The following FRMD4A variants were observed in gnomAD, a reference collection of about 807,000 sequenced individuals.
FRMD4A encodes the protein FERM domain-containing protein 4A.
Under a neutral mutation model 129.1 loss-of-function variants are expected in FRMD4A, and 29 were observed. The observed-to-expected ratio is 0.22, with a 90% confidence interval of 0.17 to 0.31. The LOEUF is 0.31. Ranked by LOEUF, FRMD4A falls within the 10% of genes least tolerant of loss-of-function variation. FRMD4A has a pLI of 1.00. For missense variants in FRMD4A, 1,272 were observed against 1,375.8 expected, an observed-to-expected ratio of 0.92 and a Z score of 1.19; for synonymous variants, 634 against 571.6, an observed-to-expected ratio of 1.11 and a Z score of -1.56.
Position 14,225,125 on chromosome 10 carries a change from T to G in FRMD4A, c.45+104933A>C, listed in dbSNP as rs545319516. On this transcript the variant is annotated intron_variant, in intron 2 of 24. Coordinates refer to ENST00000357447, the MANE Select transcript of FRMD4A (RefSeq NM_018027.5). ...AGTGAAAGAATAAATATACACCAGG[T>G]GGCGGTAAGTTAATAATATTTTACA... 2.6e-5 allele frequency among the ~76,000 whole-genome samples: 4 copies of G among 152,316 alleles called. No homozygotes were observed. In the East Asian group the frequency reaches 7.7e-4, roughly 29 times the overall value.
rs116500624 is a variant in FRMD4A, at chr10:13,651,960, T to A, written c.3065A>T (p.Asn1022Ile). ...LTWQTGEATE[N>I]SPILDGSESP... ...CTCAGACCCATCCAGAATGGGTGAGTTTTCTGTTGCTTCTCTGAACAAAGG... is the reference window on the plus strand; with the variant it reads ...CTCAGACCCATCCAGAATGGGTGAGATTTCTGTTGCTTCTCTGAACAAAGG... The change falls in exon 24 of 25, where the codon AAC becomes ATC. Residue 1022 changes from asparagine (N) to isoleucine (I), a missense_variant. This residue lies in a region of FRMD4A where 972 missense variants were observed against 892.3 expected (regional missense o/e 1.09). Coordinates refer to ENST00000357447, the MANE Select transcript of FRMD4A (RefSeq NM_018027.5). 1,459 of 1,586,948 alleles carry A rather than the reference T, an allele frequency of 9.2e-4. 11 individuals carry two copies. In the African/African-American group the frequency reaches 0.017, roughly 19 times the overall value.
chr10:14,129,409 A>ATATATATATATATATATATAT (rs58579085), intron 2 of FRMD4A, among the ~76,000 whole-genome samples: 1 of 93,498 alleles, frequency 1.1e-5, no homozygotes, highest in Non-Finnish European at 2.0e-5. Context: ...TATATATATA[A>ATATATATATATATATATATAT]AAAATATGAG....
intron 8 of FRMD4A, among the ~76,000 whole-genome samples, chr10:13,757,549 G>A (rs2130683057): frequency 6.6e-6 from 1 of 152,284 alleles, no homozygotes; most frequent in Non-Finnish European, 1.5e-5. Flanking sequence ...AATAAGACAA[G>A]GAAGTGAGCT....
intron 2 of FRMD4A, among the ~76,000 whole-genome samples, chr10:14,223,094 AAACAACAACAACAAT>A (rs955523987): frequency 1.3e-5 from 2 of 152,122 alleles, no homozygotes; most frequent in Non-Finnish European, 2.9e-5. Context: ...TCTGTCTCAA[AAACAACAACAACAAT>A]AACAACAACA....
intron 6 of FRMD4A, among the ~76,000 whole-genome samples, chr10:13,763,184 T>C (rs531695570): frequency 3.9e-5 from 6 of 152,254 alleles, no homozygotes; most frequent in African/African-American, 1.4e-4. Flanking sequence ...CACCTTTAAA[T>C]CTTTAGAGAA....
intron 2 of FRMD4A, among the ~76,000 whole-genome samples, chr10:14,104,322 T>C (rs528542401): frequency 5.3e-5 from 8 of 152,336 alleles, no homozygotes; most frequent in African/African-American, 1.9e-4. Context: ...AGGTCTACAC[T>C]GCCATCGAGG....
At chr10:14,089,630 C>CAAAAAAAAAAAAAAAAAAAAAACA (rs59553317) in intron 2 of FRMD4A, among the ~76,000 whole-genome samples, 1 of 130,808 alleles carries the variant, frequency 7.6e-6, no homozygotes, top group Non-Finnish European at 1.6e-5. Flanking sequence ...AAAAAAAAAA[C>CAAAAAAAAAAAAAAAAAAAAAACA]AAAAAAAAAC....
At chr10:13,708,777 A>G (rs1001583793) in intron 12 of FRMD4A, among the ~76,000 whole-genome samples, 1 of 152,042 alleles carries the variant, frequency 6.6e-6, no homozygotes, top group Non-Finnish European at 1.5e-5. Flanking sequence ...AAACACCCAA[A>G]TTTCCTCTCT....
chr10:13,965,149 C>T (rs552637969), intron 2 of FRMD4A, among the ~76,000 whole-genome samples: 1 of 151,066 alleles, frequency 6.6e-6, no homozygotes, highest in South Asian at 2.1e-4. Context: ...ATTTGAGGTC[C>T]ACAGACATTG....
At chr10:14,117,026 C>T (rs1055585279) in intron 2 of FRMD4A, among the ~76,000 whole-genome samples, 1 of 152,248 alleles carries the variant, frequency 6.6e-6, no homozygotes, top group African/African-American at 2.4e-5. Context: ...CATTGAAATG[C>T]ATCTCTGTGC....
intron 2 of FRMD4A, among the ~76,000 whole-genome samples, chr10:14,282,019 G>A (rs1467750883): frequency 6.6e-6 from 1 of 152,170 alleles, no homozygotes; most frequent in African/African-American, 2.4e-5. Flanking sequence ...AATCATGGTG[G>A]AAGGTAAAAA....
At chr10:14,239,960 C>T (rs1405092511) in intron 2 of FRMD4A, among the ~76,000 whole-genome samples, 1 of 152,152 alleles carries the variant, frequency 6.6e-6, no homozygotes, top group Non-Finnish European at 1.5e-5. Flanking sequence ...TAACAGGGTC[C>T]TTTGCACCTC....
intron 2 of FRMD4A, among the ~76,000 whole-genome samples, chr10:13,910,231 C>A (rs1265229275): frequency 6.6e-6 from 1 of 152,180 alleles, no homozygotes; most frequent in Admixed American, 6.5e-5. Context: ...GACTTTGATG[C>A]TTCAATTTGA....
At chr10:14,181,473 T>G (rs1007644300) in intron 2 of FRMD4A, among the ~76,000 whole-genome samples, 2 of 152,144 alleles carry the variant, frequency 1.3e-5, no homozygotes, top group Admixed American at 1.3e-4. Flanking sequence ...CTTCCCGTCG[T>G]CACAGAGGGG....
At position 14,258,322 on chromosome 10, in the gene FRMD4A, T is replaced by TAA. The variant is rs34613361; in HGVS notation, c.45+71734_45+71735dup. Among the ~76,000 whole-genome samples, 1,410 of 142,552 alleles carry TAA rather than the reference T, an allele frequency of 9.9e-3. 25 individuals are homozygous for TAA. Among genetic ancestry groups the TAA allele is most frequent in the African/African-American group, 0.034 (1,351 of 39,608 alleles). 93.5% of individuals were successfully genotyped at this position (142,552 alleles called of 152,430 possible). ...GTATATTTGATAAAGGGGTTTTAAC[T>TAA]AAAAAAAAAAAGAACTCTCAAAATT... On this transcript the variant is annotated intron_variant, in intron 2 of 24. Coordinates refer to ENST00000357447, the MANE Select transcript of FRMD4A (RefSeq NM_018027.5).
chr10:14,008,102 CAGTAAA>C, intron 2 of FRMD4A: 1 of 1,302,376 alleles, frequency 7.7e-7, no homozygotes, highest in Non-Finnish European at 1.0e-6. Flanking sequence ...AAGGAATTTT[CAGTAAA>C]AGTCTTTGGG....
At chr10:13,991,527 G>T (rs1466067030) in intron 2 of FRMD4A, among the ~76,000 whole-genome samples, 1 of 152,184 alleles carries the variant, frequency 6.6e-6, no homozygotes, top group Non-Finnish European at 1.5e-5. Context: ...GAGTGGAATG[G>T]AGTGGCTCTG....
At chr10:13,949,372 T>TA (rs200166030) in intron 2 of FRMD4A, among the ~76,000 whole-genome samples, 1 of 151,808 alleles carries the variant, frequency 6.6e-6, no homozygotes, top group South Asian at 2.1e-4. Context: ...TTGCATTTTC[T>TA]AAAAGTTAAC....
chr10:14,117,715 C>CG (rs1216364799), intron 2 of FRMD4A, among the ~76,000 whole-genome samples: 1 of 152,188 alleles, frequency 6.6e-6, no homozygotes. Flanking sequence ...GAGCTGGCTA[C>CG]GTTCATTCAT....
Sources: allele counts gnomAD v4.1 joint callset (sites outside exome capture counted in the v4.1 genomes callset), GRCh38; gene constraint gnomAD v4.1.1; regional missense constraint gnomAD v4.1.1; transcripts MANE v1.5; gene names NCBI Gene and HGNC (gene_info 2026-07-23, HGNC 2026-07-21).